CNTN4: variants seen among roughly 807,000 people sequenced by gnomAD.
CNTN4 encodes the protein contactin-4.
In CNTN4, 77 loss-of-function variants were observed where a neutral mutation model predicts 122.5. The ratio of observed to expected loss-of-function variants is 0.63; its 90% confidence interval spans 0.52 to 0.76. The LOEUF is 0.76. Ranked by LOEUF, CNTN4 falls within the 30% of genes least tolerant of loss-of-function variation. The pLI is 0.00. For missense variants in CNTN4, 1,256 were observed against 1,259.1 expected (o/e 1.00, Z 0.04); for synonymous variants, 512 against 447.0 (o/e 1.15, Z -1.83).
intron 13 of CNTN4, among the ~76,000 whole-genome samples, chr3:2,931,696 A>G (rs1475261438): frequency 6.6e-6 from 1 of 152,078 alleles, no homozygotes; most frequent in Non-Finnish European, 1.5e-5. Flanking sequence ...TGGTGAGATT[A>G]TAGCTCACTG....
At chr3:2,786,916 A>G (rs1022845262) in intron 6 of CNTN4, among the ~76,000 whole-genome samples, 8 of 152,196 alleles carry the variant, frequency 5.3e-5, no homozygotes, top group Non-Finnish European at 1.0e-4. Flanking sequence ...CAAATGCAGT[A>G]AGTAACCTCA....
intron 3 of CNTN4, among the ~76,000 whole-genome samples, chr3:2,372,350 G>A (rs976575138): frequency 6.6e-6 from 1 of 152,202 alleles, no homozygotes; most frequent in Non-Finnish European, 1.5e-5. Flanking sequence ...AGGAATATGT[G>A]ATAGAATGTA....
chr3:2,379,517 C>G (rs17013501), intron 3 of CNTN4, among the ~76,000 whole-genome samples: 1 of 151,898 alleles, frequency 6.6e-6, no homozygotes, highest in Middle Eastern at 3.2e-3. Flanking sequence ...CCACAGGCCT[C>G]TTTTGTCTTT....
intron 3 of CNTN4, among the ~76,000 whole-genome samples, chr3:2,370,383 G>T (rs1429694189): frequency 6.6e-6 from 1 of 152,088 alleles, no homozygotes; most frequent in Non-Finnish European, 1.5e-5. Context: ...TCATAAAATG[G>T]TCATGAAAAT....
chr3:2,927,393 C>A, intron 13 of CNTN4: 1 of 447,240 alleles, frequency 2.2e-6, no homozygotes. Context: ...AGGAAAAGAG[C>A]CAAACATGCA....
rs142211169 is a variant in CNTN4 at position 2,154,299 on chromosome 3, T to C, written c.-145+53660T>C. 5.0e-3 allele frequency among the ~76,000 whole-genome samples: 759 copies of C among 151,868 alleles called. 10 individuals carry two copies. The highest frequency in any genetic ancestry group is 0.017 in the African/African-American group (722 of 41,378). On this transcript the variant is annotated intron_variant, in intron 2 of 24. Transcript: ENST00000418658. ...TACTCATGAAGCTGAGGCAGGAGAATTGCTTGAACCCAGGAGGTGGAGATT... is the reference window on the plus strand; with the variant it reads ...TACTCATGAAGCTGAGGCAGGAGAACTGCTTGAACCCAGGAGGTGGAGATT...
chr3:2,420,067 C>T (rs2151099194), intron 3 of CNTN4, among the ~76,000 whole-genome samples: 1 of 152,276 alleles, frequency 6.6e-6, no homozygotes, highest in Non-Finnish European at 1.5e-5. Context: ...GTTCCTCATA[C>T]AGTGCAATAG....
intron 4 of CNTN4, among the ~76,000 whole-genome samples, chr3:2,601,485 A>T (rs1484499118): frequency 6.6e-6 from 1 of 152,040 alleles, no homozygotes; most frequent in Non-Finnish European, 1.5e-5. Context: ...TGTTTTTGTC[A>T]GGTTTGTCAA....
rs58084301 is a variant in CNTN4, at chr3:2,440,881, G to GTA, written c.-89+101659_-89+101660dup. Among the ~76,000 whole-genome samples, 1,217 of 129,802 alleles carry GTA rather than the reference G, an allele frequency of 9.4e-3. 15 individuals carry two copies. The highest frequency in any genetic ancestry group is 0.032 in the African/African-American group (1,159 of 36,758). The allele number at this position is 129,802 out of a possible 152,430, so 85.2% of individuals were successfully genotyped here. A position where few individuals can be genotyped will look rare whatever the true frequency, so the allele number is the denominator to read the frequency against. On this transcript the variant is annotated intron_variant, in intron 3 of 24. Transcript: ENST00000418658. ...ATATATCTAACATATATGTATATAT[G>GTA]TATATATATATACATGTATATAACA...
chr3:2,181,912 T>G (rs1322603911), intron 2 of CNTN4, among the ~76,000 whole-genome samples: 1 of 152,046 alleles, frequency 6.6e-6, no homozygotes, highest in Non-Finnish European at 1.5e-5. Flanking sequence ...TGACCCAATT[T>G]TAGGTGGTGA....
intron 13 of CNTN4, among the ~76,000 whole-genome samples, chr3:2,949,188 T>C (rs1343008597): frequency 6.6e-6 from 1 of 152,140 alleles, no homozygotes; most frequent in East Asian, 1.9e-4. Context: ...CCCTGATCTT[T>C]AATGAACAGC....
At chr3:2,932,822 T>G (rs1202764473) in intron 13 of CNTN4, among the ~76,000 whole-genome samples, 4 of 151,578 alleles carry the variant, frequency 2.6e-5, no homozygotes, top group Non-Finnish European at 4.4e-5. Context: ...ATTTATTTAT[T>G]TATTTATTTA....
intron 13 of CNTN4, among the ~76,000 whole-genome samples, chr3:2,960,890 T>C (rs2094845988): frequency 6.6e-6 from 1 of 152,106 alleles, no homozygotes. Context: ...CATTGGAGCC[T>C]ACCCCTTGCG....
intron 6 of CNTN4, among the ~76,000 whole-genome samples, chr3:2,769,668 C>G (rs1417952501): frequency 7.9e-5 from 12 of 152,132 alleles, no homozygotes; most frequent in Admixed American, 6.5e-4. Flanking sequence ...TCACACACAT[C>G]TCATATTTCC....
chr3:2,280,937 C>T (rs928989763), intron 2 of CNTN4, among the ~76,000 whole-genome samples: 1 of 152,154 alleles, frequency 6.6e-6, no homozygotes. Flanking sequence ...CAGAAGCAGC[C>T]GTTCGGAGGA....
At chr3:2,611,761 G>A (rs1274616198) in intron 4 of CNTN4, among the ~76,000 whole-genome samples, 1 of 152,094 alleles carries the variant, frequency 6.6e-6, no homozygotes, top group East Asian at 1.9e-4. Context: ...GAACATTTGG[G>A]GAATAGAGGT....
intron 14 of CNTN4, 41 bp downstream of exon 14, chr3:2,988,513 T>C: frequency 6.2e-7 from 1 of 1,606,184 alleles, no homozygotes. Context: ...TATATATGTG[T>C]CCTCGTGTCT....
chr3:2,388,968 G>A (rs529924834), intron 3 of CNTN4, among the ~76,000 whole-genome samples: 12 of 152,040 alleles, frequency 7.9e-5, no homozygotes, highest in African/African-American at 2.9e-4. Flanking sequence ...GACCAGCCTG[G>A]CCAACATGGT....
intron 4 of CNTN4, among the ~76,000 whole-genome samples, chr3:2,711,382 C>A (rs1393040232): frequency 6.6e-6 from 1 of 152,076 alleles, no homozygotes; most frequent in East Asian, 1.9e-4. Context: ...CGCTATGAAT[C>A]TTTTTTCTTT....
Sources: gnomAD v4.1 joint callset for allele counts (sites outside exome capture counted in the v4.1 genomes callset) on GRCh38, gnomAD v4.1.1 for gene constraint, MANE v1.5 for transcripts, NCBI Gene and HGNC (gene_info 2026-07-23, HGNC 2026-07-21) for gene names.